The following PRICKLE2 variants were observed in gnomAD, a reference collection of about 807,000 sequenced individuals.
PRICKLE2 encodes the protein prickle planar cell polarity protein 2, also known as prickle-like protein 2.
In PRICKLE2, 21 loss-of-function variants were observed where a neutral mutation model predicts 81.4. That is an observed-to-expected ratio of 0.26 (90% CI 0.18 to 0.37). The LOEUF is 0.37. Ranked by LOEUF, PRICKLE2 falls within the 10% of genes least tolerant of loss-of-function variation. The pLI is 1.00. For missense variants in PRICKLE2, 940 were observed against 1,109.0 expected (o/e 0.85, Z 2.16); for synonymous variants, 456 against 421.5 (o/e 1.08, Z -1.00).
chr3:64,171,384 C>A, intron 2 of PRICKLE2, among the ~76,000 whole-genome samples: 1 of 152,196 alleles, frequency 6.6e-6, no homozygotes, highest in East Asian at 1.9e-4. Flanking sequence ...AGGGACGCTG[C>A]CAAACTTCCT....
At chr3:64,178,843 G>A (rs1162100332) in intron 2 of PRICKLE2, among the ~76,000 whole-genome samples, 2 of 151,958 alleles carry the variant, frequency 1.3e-5, no homozygotes, top group Admixed American at 6.6e-5. Context: ...TCTTTTTAAG[G>A]GCAACTTACT....
intron 2 of PRICKLE2, 116 bp downstream of exon 2, chr3:64,198,668 C>T (rs1451695471): frequency 1.0e-5 from 12 of 1,164,280 alleles, no homozygotes; most frequent in Non-Finnish European, 1.5e-5. Context: ...ATATTTAGCC[C>T]TACCACTTCT....
chr3:64,153,616 G>C (rs933495142), intron 5 of PRICKLE2: 4 of 495,830 alleles, frequency 8.1e-6, no homozygotes, highest in African/African-American at 7.7e-5. Context: ...CATTTAATAA[G>C]AGAAAGAATG....
intron 7 of PRICKLE2, among the ~76,000 whole-genome samples, chr3:64,108,155 AC>A: frequency 6.6e-6 from 1 of 152,170 alleles, no homozygotes; most frequent in Non-Finnish European, 1.5e-5. Context: ...AGACTGTATG[AC>A]CTGCAAAGCC....
chr3:64,250,432 G>A (rs920307683), intron 2 of PRICKLE2, among the ~76,000 whole-genome samples: 1 of 152,150 alleles, frequency 6.6e-6, no homozygotes, highest in African/African-American at 2.4e-5. Context: ...GGAACTGCTG[G>A]GCTGTTGCAG....
intron 2 of PRICKLE2, among the ~76,000 whole-genome samples, chr3:64,252,287 G>A (rs1158883854): frequency 6.6e-6 from 1 of 152,108 alleles, no homozygotes; most frequent in Non-Finnish European, 1.5e-5. Flanking sequence ...CCCCATAAGG[G>A]CTCCTATACC....
chr3:64,245,404 C>T (rs2079332449), intron 2 of PRICKLE2, among the ~76,000 whole-genome samples: 1 of 152,166 alleles, frequency 6.6e-6, no homozygotes, highest in South Asian at 2.1e-4. Flanking sequence ...GCCCTCACCT[C>T]TCAGTCTCAT....
At chr3:64,187,628 T>TG (rs2078259688) in intron 2 of PRICKLE2, 1 of 152,238 alleles carries the variant, frequency 6.6e-6, no homozygotes, top group African/African-American at 2.4e-5. Context: ...ATGGTTTTTA[T>TG]GGGGGTTTTA....
At chr3:64,239,952 CA>C (rs57932723) in intron 2 of PRICKLE2, among the ~76,000 whole-genome samples, 3,584 of 32,168 alleles carry the variant, frequency 0.11, 29 homozygotes, top group African/African-American at 0.17. Context: ...CCATCGCTAC[CA>C]AAAAAAAAAA....
chr3:64,221,525 G>A (rs1309332435), intron 1 of PRICKLE2, among the ~76,000 whole-genome samples: 1 of 151,706 alleles, frequency 6.6e-6, no homozygotes, highest in African/African-American at 2.4e-5. Flanking sequence ...CAGAGCAAAG[G>A]GGCAAATGTC....
chr3:64,203,566 T>G (rs922907190), intron 1 of PRICKLE2, among the ~76,000 whole-genome samples: 1 of 152,100 alleles, frequency 6.6e-6, no homozygotes, highest in African/African-American at 2.4e-5. Context: ...TAATGCCGGA[T>G]GGACATGATT....
intron 7 of PRICKLE2, among the ~76,000 whole-genome samples, chr3:64,131,755 C>T (rs1339214847): frequency 6.6e-6 from 1 of 152,188 alleles, no homozygotes; most frequent in Non-Finnish European, 1.5e-5. Flanking sequence ...AAGTTCTCCA[C>T]CCTGTACTTC....
chr3:64,232,706 C>T (rs1010299436), intron 2 of PRICKLE2, among the ~76,000 whole-genome samples: 2 of 152,102 alleles, frequency 1.3e-5, no homozygotes, highest in Non-Finnish European at 1.5e-5. Context: ...AAGGCGAGAC[C>T]TTTTCCATGA....
At chr3:64,226,703 T>A (rs1234255559), upstream of PRICKLE2, among the ~76,000 whole-genome samples, 1 of 152,284 alleles carries the variant, frequency 6.6e-6, no homozygotes, top group African/African-American at 2.4e-5. Context: ...GGCTGATCAC[T>A]GTTCCTAGCA....
At chr3:64,138,474 C>A (rs1488497147) in intron 7 of PRICKLE2, among the ~76,000 whole-genome samples, 1 of 152,212 alleles carries the variant, frequency 6.6e-6, no homozygotes, top group African/African-American at 2.4e-5. Flanking sequence ...ACTGACAGCC[C>A]TCCTGGCTAT....
At chr3:64,135,884 G>C (rs923601805) in intron 7 of PRICKLE2, among the ~76,000 whole-genome samples, 1 of 152,004 alleles carries the variant, frequency 6.6e-6, no homozygotes, top group Non-Finnish European at 1.5e-5. Context: ...CGCAACTTTC[G>C]GCTCATGATC....
chr3:64,143,554 C>T (rs546081800), intron 7 of PRICKLE2, among the ~76,000 whole-genome samples: 10 of 152,296 alleles, frequency 6.6e-5, no homozygotes, highest in Non-Finnish European at 1.3e-4. Flanking sequence ...TTCTGATTTC[C>T]TCATGAGCCA....
At chr3:64,102,381 G>C (rs1041627890) in intron 7 of PRICKLE2, 1 of 152,234 alleles carries the variant, frequency 6.6e-6, no homozygotes. Context: ...TCTGCCTCCT[G>C]ACAGATCAGC....
chr3:64,238,983 C>T (rs1465490152), intron 2 of PRICKLE2, among the ~76,000 whole-genome samples: 1 of 152,244 alleles, frequency 6.6e-6, no homozygotes, highest in South Asian at 2.1e-4. Context: ...TTTCAGGCTG[C>T]CTGTTTATTC....
Sources: gnomAD v4.1 joint callset for allele counts (sites outside exome capture counted in the v4.1 genomes callset) on GRCh38, gnomAD v4.1.1 for gene constraint, MANE v1.5 for transcripts, NCBI Gene and HGNC (gene_info 2026-07-23, HGNC 2026-07-21) for gene names.